The following SLC5A4 variants were observed in gnomAD, a reference collection of about 807,000 sequenced individuals.
SLC5A4 encodes the protein probable glucose sensor protein SLC5A4.
SLC5A4 carries 55 observed loss-of-function variants against 70.3 expected under a neutral mutation model. That is an observed-to-expected ratio of 0.78 (90% CI 0.63 to 0.98). SLC5A4 has a LOEUF of 0.98. Ranked by LOEUF, SLC5A4 falls within the 50% of genes least tolerant of loss-of-function variation. The pLI, the probability that SLC5A4 is intolerant of heterozygous loss-of-function variation, is 0.00. For synonymous variants in SLC5A4, 268 were observed against 305.7 expected (o/e 0.88, Z 1.29); for missense variants, 735 against 839.2 (o/e 0.88, Z 1.53).
chr22:32,305,376 C>G, the SLC5A4 span, among the ~76,000 whole-genome samples: 1 of 133,134 alleles, frequency 7.5e-6, no homozygotes, highest in African/African-American at 2.9e-5. Flanking sequence ...GCCTTGTGTA[C>G]CTGCTGATCT....
At chr22:32,318,548 A>C in the SLC5A4 span, among the ~76,000 whole-genome samples, 1 of 151,858 alleles carries the variant, frequency 6.6e-6, no homozygotes, top group Non-Finnish European at 1.5e-5. Flanking sequence ...TCCACATCCA[A>C]CCCAGGAGCA....
At chr22:32,312,558 C>G in the SLC5A4 span, among the ~76,000 whole-genome samples, 1 of 152,118 alleles carries the variant, frequency 6.6e-6, no homozygotes, top group Admixed American at 6.5e-5. Flanking sequence ...AATGAGTCAC[C>G]TCTCAGAAGC....
At chr22:32,274,485 C>A in the SLC5A4 span, among the ~76,000 whole-genome samples, 9 of 151,982 alleles carry the variant, frequency 5.9e-5, no homozygotes, top group Non-Finnish European at 8.8e-5. Flanking sequence ...AAGTTCATGG[C>A]CCACTTACAC....
chr22:32,238,629 C>T (rs146009201), intron 6 of SLC5A4, among the ~76,000 whole-genome samples: 342 of 152,282 alleles, frequency 2.2e-3, no homozygotes, highest in Non-Finnish European at 3.8e-3. Flanking sequence ...TTGAACCTTG[C>T]CTTTCATTTG....
At chr22:32,284,486 G>A in the SLC5A4 span, among the ~76,000 whole-genome samples, 1 of 152,168 alleles carries the variant, frequency 6.6e-6, no homozygotes, top group Non-Finnish European at 1.5e-5. Context: ...GCTGGGGGTT[G>A]ATGCTGGCTG....
chr22:32,324,419 C>T, the SLC5A4 span, among the ~76,000 whole-genome samples: 3 of 152,108 alleles, frequency 2.0e-5, no homozygotes, highest in Non-Finnish European at 2.9e-5. Flanking sequence ...CTCAGGGCCT[C>T]TTACCAACAG....
rs1433842704 is a variant in SLC5A4, at chr22:32,225,757, A to G, written c.1347T>C (p.Asn449=). Reference sequence around the variant, plus strand: ...ATTCTGTGTAATGGATTAGTTGTCCATTTTGAGAAACTTGTACCAGTGGGA... The same window carrying G: ...ATTCTGTGTAATGGATTAGTTGTCCGTTTTGAGAAACTTGTACCAGTGGGA... The part of the protein sequence containing the change: ...VWVPLVQVSQ[N]GQLIHYTESI... Residue 449 remains asparagine (N), a synonymous_variant, in exon 12 of 15, where the codon AAT becomes AAC. Coordinates refer to ENST00000266086, the MANE Select transcript of SLC5A4 (RefSeq NM_014227.3). 1 of 1,612,756 alleles carries G rather than the reference A, an allele frequency of 6.2e-7. No individual in the cohort carries two copies.
At chr22:32,329,440 T>A in the SLC5A4 span, among the ~76,000 whole-genome samples, 3,560 of 152,104 alleles carry the variant, frequency 0.023, 145 homozygotes, top group African/African-American at 0.082. Context: ...GAATTTTTAC[T>A]TTGTCTTTAG....
chr22:32,272,366 T>C, the SLC5A4 span: 4 of 883,486 alleles, frequency 4.5e-6, no homozygotes, highest in Non-Finnish European at 7.5e-6. Flanking sequence ...AGCCAGAAGA[T>C]TTTCCTGTGA....
At chr22:32,333,206 C>CG in the SLC5A4 span, among the ~76,000 whole-genome samples, 2,116 of 150,470 alleles carry the variant, frequency 0.014, 58 homozygotes, top group African/African-American at 0.049. Context: ...ACCCCCCCCC[C>CG]AGAAGACTCA....
the SLC5A4 span, among the ~76,000 whole-genome samples, chr22:32,275,991 G>A: frequency 6.6e-6 from 1 of 152,120 alleles, no homozygotes; most frequent in African/African-American, 2.4e-5. Context: ...TTTTTCACGT[G>A]TCTTTTGGCT....
chr22:32,260,738 G>A, the SLC5A4 span, among the ~76,000 whole-genome samples: 2 of 152,074 alleles, frequency 1.3e-5, no homozygotes, highest in Non-Finnish European at 2.9e-5. Flanking sequence ...ATTAAAAATC[G>A]GAAAACGGAT....
At chr22:32,224,156 G>GT (rs1432804750) in intron 13 of SLC5A4, 111 bp downstream of exon 13, 2 of 759,524 alleles carry the variant, frequency 2.6e-6, no homozygotes, top group East Asian at 5.4e-5. Flanking sequence ...TCCTGACCTC[G>GT]TGATCCGCCC....
At chr22:32,244,563 C>T (rs555374942) in intron 5 of SLC5A4, among the ~76,000 whole-genome samples, 1 of 152,316 alleles carries the variant, frequency 6.6e-6, no homozygotes, top group East Asian at 1.9e-4. Flanking sequence ...ATAGGGACTA[C>T]TCCAGGTCAC....
chr22:32,321,252 C>G, the SLC5A4 span, among the ~76,000 whole-genome samples: 12 of 151,860 alleles, frequency 7.9e-5, no homozygotes, highest in Non-Finnish European at 1.5e-4. Flanking sequence ...TGCCATTGCA[C>G]TCCAGCCTGG....
chr22:32,301,334 A>C, the SLC5A4 span, among the ~76,000 whole-genome samples: 1 of 152,136 alleles, frequency 6.6e-6, no homozygotes, highest in African/African-American at 2.4e-5. Flanking sequence ...CCCACCAGCA[A>C]GGTTTTTTAT....
intron 5 of SLC5A4, among the ~76,000 whole-genome samples, chr22:32,242,694 G>A (rs961476992): frequency 4.6e-5 from 7 of 152,126 alleles, no homozygotes; most frequent in African/African-American, 1.2e-4. Flanking sequence ...GGGCGACAGA[G>A]TGAGACTCCG....
At chr22:32,326,125 G>A in the SLC5A4 span, among the ~76,000 whole-genome samples, 1 of 152,202 alleles carries the variant, frequency 6.6e-6, no homozygotes, top group African/African-American at 2.4e-5. Flanking sequence ...AACCCTTCCT[G>A]CAGACAAAAG....
chr22:32,320,484 A>G, the SLC5A4 span, among the ~76,000 whole-genome samples: 1 of 152,226 alleles, frequency 6.6e-6, no homozygotes, highest in Non-Finnish European at 1.5e-5. Flanking sequence ...GCCAGGTCAA[A>G]AACAACAGCT....
Sources: allele counts gnomAD v4.1 joint callset (sites outside exome capture counted in the v4.1 genomes callset), GRCh38; gene constraint gnomAD v4.1.1; transcripts MANE v1.5; gene names NCBI Gene and HGNC (gene_info 2026-07-23, HGNC 2026-07-21).